DENND1B: variants seen among roughly 807,000 people sequenced by gnomAD.
The protein encoded by DENND1B is DENN domain-containing protein 1B.
In DENND1B, 59 loss-of-function variants were observed where a neutral mutation model predicts 90.1. The ratio of observed to expected loss-of-function variants is 0.65; its 90% CI spans 0.53 to 0.81. The LOEUF is 0.81. DENND1B is among the 40% of genes least tolerant of loss of function. DENND1B has a pLI of 0.00. For synonymous variants in DENND1B, 337 were observed against 324.6 expected (o/e 1.04, Z -0.41); for missense variants, 862 against 912.6 (o/e 0.94, Z 0.71).
intron 9 of DENND1B, among the ~76,000 whole-genome samples, chr1:197,645,258 A>G (rs566817069): frequency 6.6e-6 from 1 of 152,184 alleles, no homozygotes; most frequent in Admixed American, 6.5e-5. Context: ...ATATACAAGG[A>G]ATATAAAATA....
chr1:197,527,413 G>C (rs942460531), intron 20 of DENND1B, among the ~76,000 whole-genome samples: 1 of 151,320 alleles, frequency 6.6e-6, no homozygotes, highest in African/African-American at 2.4e-5. Flanking sequence ...CTCCCGAGTA[G>C]TTGGGATTAT....
At chr1:197,642,385 C>A (rs1443998769) in intron 10 of DENND1B, among the ~76,000 whole-genome samples, 1 of 151,796 alleles carries the variant, frequency 6.6e-6, no homozygotes, top group Non-Finnish European at 1.5e-5. Context: ...GAAAAAGCCA[C>A]AAGTGAATAA....
intron 3 of DENND1B, among the ~76,000 whole-genome samples, chr1:197,696,755 T>C (rs374486389): frequency 1.3e-5 from 2 of 151,502 alleles, no homozygotes; most frequent in Non-Finnish European, 3.0e-5. Context: ...TTGTCACTCA[T>C]TCAACTAGCC....
chr1:197,521,694 T>C (rs1259293023), intron 20 of DENND1B, among the ~76,000 whole-genome samples: 2 of 152,072 alleles, frequency 1.3e-5, no homozygotes, highest in East Asian at 3.9e-4. Flanking sequence ...TTAAAATGCA[T>C]GGCAGTTTAT....
chr1:197,734,226 A>C (rs1662420360), intron 2 of DENND1B: 1 of 891,228 alleles, frequency 1.1e-6, no homozygotes, highest in Non-Finnish European at 1.3e-6. Flanking sequence ...AAATGAAAAG[A>C]GTATATAAAC....
chr1:197,751,007 C>T lies in DENND1B; in HGVS notation c.82+21861G>A, dbSNP rs569005523. 8.5e-5 allele frequency among the ~76,000 whole-genome samples: 13 copies of T among 152,288 alleles called. No individual in the cohort carries two copies. In the East Asian group the frequency reaches 2.3e-3, roughly 27 times the overall value. ...CCACAATTACAGTTGGAAATTTTAACACTCTTCTCCCAGTAAGTGAAAGAA... is the reference window on the plus strand; with the variant it reads ...CCACAATTACAGTTGGAAATTTTAATACTCTTCTCCCAGTAAGTGAAAGAA... On this transcript the variant is annotated intron_variant, in intron 2 of 22. Transcript: ENST00000620048.
chr1:197,519,082 ATG>A (rs1668593360), intron 20 of DENND1B, among the ~76,000 whole-genome samples: 1 of 151,958 alleles, frequency 6.6e-6, no homozygotes, highest in Non-Finnish European at 1.5e-5. Flanking sequence ...TCCAGTGAAG[ATG>A]TAATTATTAC....
intron 18 of DENND1B, among the ~76,000 whole-genome samples, chr1:197,542,485 C>A (rs533838298): frequency 9.2e-5 from 14 of 152,040 alleles, no homozygotes; most frequent in Non-Finnish European, 1.8e-4. Flanking sequence ...TCTTACTGTA[C>A]CTTCATGTTC....
rs948620603 is a variant in DENND1B, at chr1:197,508,526, G to A, written c.*1934C>T. 6.6e-6 allele frequency: 1 copy of A among 151,640 alleles called. No homozygotes were observed. Among genetic ancestry groups the A allele is most frequent in the African/African-American group, 2.4e-5 (1 of 41,342 alleles). The allele number at this position is 151,640 out of a possible 1,614,324, so 9.4% of individuals were successfully genotyped here. A position where few individuals can be genotyped will look rare whatever the true frequency, so the allele number is the denominator to read the frequency against. ...CTTCTTATATAATCATAATGAATAA[G>A]TGTCCCAAATAACACATATCCATTT... On this transcript the variant is annotated 3_prime_UTR_variant, in exon 23 of 23. Transcript: ENST00000620048.
chr1:197,724,755 A>C (rs997578034), intron 2 of DENND1B, among the ~76,000 whole-genome samples: 4 of 152,168 alleles, frequency 2.6e-5, no homozygotes, highest in Admixed American at 2.0e-4. Flanking sequence ...ACAATAACAT[A>C]ACTCAAAACA....
chr1:197,647,003 T>A, intron 8 of DENND1B, 52 bp downstream of exon 8: 1 of 1,338,842 alleles, frequency 7.5e-7, no homozygotes, highest in Non-Finnish European at 9.9e-7. Flanking sequence ...AATAAGTGAT[T>A]ATTTTTCCTA....
chr1:197,513,881 T>C (rs774352769), intron 20 of DENND1B, among the ~76,000 whole-genome samples: 2 of 151,620 alleles, frequency 1.3e-5, no homozygotes, highest in Non-Finnish European at 3.0e-5. Flanking sequence ...CCTCACTTCC[T>C]ATAAATTGGT....
chr1:197,631,033 AATTTACTCC>A (rs2125896613), intron 10 of DENND1B, among the ~76,000 whole-genome samples: 1 of 152,144 alleles, frequency 6.6e-6, no homozygotes, highest in Admixed American at 6.6e-5. Flanking sequence ...CCTATCACTA[AATTTACTCC>A]TTTCTAATTC....
At chr1:197,753,982 G>C (rs1284090407) in intron 2 of DENND1B, among the ~76,000 whole-genome samples, 1 of 151,640 alleles carries the variant, frequency 6.6e-6, no homozygotes, top group Non-Finnish European at 1.5e-5. Flanking sequence ...CCTGGCAACA[G>C]AGCAAGATTC....
At chr1:197,756,002 C>T (rs1654231628) in intron 2 of DENND1B, among the ~76,000 whole-genome samples, 2 of 152,118 alleles carry the variant, frequency 1.3e-5, no homozygotes, top group South Asian at 4.1e-4. Flanking sequence ...AAAGTAGTCA[C>T]ATAGAGAATA....
chr1:197,667,482 T>A (rs1655058651), intron 5 of DENND1B, among the ~76,000 whole-genome samples: 1 of 152,042 alleles, frequency 6.6e-6, no homozygotes, highest in South Asian at 2.1e-4. Context: ...CAGGCCAGAG[T>A]ACAGTGGCAC....
At chr1:197,617,943 A>G (rs1677810557) in intron 10 of DENND1B, among the ~76,000 whole-genome samples, 184 bp from the exon 11 acceptor site, 1 of 151,206 alleles carries the variant, frequency 6.6e-6, no homozygotes, top group Non-Finnish European at 1.5e-5. Context: ...TGAAACATAT[A>G]TAAACAGCAA....
intron 2 of DENND1B, among the ~76,000 whole-genome samples, chr1:197,762,367 C>T (rs779133535): frequency 8.6e-5 from 13 of 151,976 alleles, no homozygotes; most frequent in Non-Finnish European, 1.3e-4. Flanking sequence ...CGCGGGTTCA[C>T]GCCATCCTCC....
At chr1:197,673,077 A>T (rs536707722) in intron 4 of DENND1B, among the ~76,000 whole-genome samples, 1 of 152,172 alleles carries the variant, frequency 6.6e-6, no homozygotes, top group South Asian at 2.1e-4. Context: ...TTTGTCAGGA[A>T]ATGTTGCATT....
Sources: allele counts gnomAD v4.1 joint callset (sites outside exome capture counted in the v4.1 genomes callset), GRCh38; gene constraint gnomAD v4.1.1; transcripts MANE v1.5; gene names NCBI Gene and HGNC (gene_info 2026-07-23, HGNC 2026-07-21).